TNRC6B: variants seen among roughly 807,000 people sequenced by gnomAD.
TNRC6B encodes the protein trinucleotide repeat-containing gene 6B protein.
TNRC6B carries 52 observed loss-of-function variants against 203.6 expected under a neutral mutation model. The ratio of observed to expected loss-of-function variants is 0.26; its 90% CI spans 0.20 to 0.32. The LOEUF (loss-of-function observed/expected upper bound fraction) is 0.32. Ranked by LOEUF, TNRC6B falls within the 10% of genes least tolerant of loss-of-function variation. The pLI is 1.00. For missense variants in TNRC6B, 1,923 were observed against 2,286.2 expected, an observed-to-expected ratio of 0.84 and a Z score of 3.24; for synonymous variants, 838 against 845.7, an observed-to-expected ratio of 0.99 and a Z score of 0.16.
intron 3 of TNRC6B, among the ~76,000 whole-genome samples, chr22:40,130,661 C>T (rs572784130): frequency 4.1e-5 from 6 of 148,132 alleles, no homozygotes; most frequent in African/African-American, 1.6e-4. Flanking sequence ...GTGGCGGATG[C>T]CTGTAGTCCC....
intron 1 of TNRC6B, among the ~76,000 whole-genome samples, chr22:40,081,885 T>C (rs2068066483): frequency 6.6e-6 from 1 of 151,914 alleles, no homozygotes; most frequent in Non-Finnish European, 1.5e-5. Flanking sequence ...TTAACAACTG[T>C]CCTCAGAACT....
At chr22:40,156,306 G>A (rs530884834) in intron 4 of TNRC6B, 13 of 866,546 alleles carry the variant, frequency 1.5e-5, no homozygotes, top group Middle Eastern at 2.3e-4. Context: ...CTCACCAGTT[G>A]CTTTGGTGGC....
chr22:40,107,114 CTTAA>C (rs1233365230), intron 1 of TNRC6B: 2 of 630,038 alleles, frequency 3.2e-6, no homozygotes, highest in Admixed American at 2.8e-5. Context: ...AACAAATACT[CTTAA>C]TTTTCATGTA....
At chr22:40,147,130 ACT>A (rs1275708900) in intron 3 of TNRC6B, among the ~76,000 whole-genome samples, 3 of 152,228 alleles carry the variant, frequency 2.0e-5, no homozygotes, top group Non-Finnish European at 4.4e-5. Context: ...AGGGAAGGAA[ACT>A]CTGACACATG....
At chr22:40,146,437 C>G (rs2068696198) in intron 3 of TNRC6B, among the ~76,000 whole-genome samples, 1 of 152,020 alleles carries the variant, frequency 6.6e-6, no homozygotes, top group Non-Finnish European at 1.5e-5. Flanking sequence ...CTCTTGTTGC[C>G]CAGGCTGGAG....
chr22:40,058,534 TCTCTAGACTGA>T (rs1426971823), intron 1 of TNRC6B, among the ~76,000 whole-genome samples: 1 of 152,188 alleles, frequency 6.6e-6, no homozygotes. Context: ...AAGCAGACAG[TCTCTAGACTGA>T]CTGACTGTAC....
intron 3 of TNRC6B, among the ~76,000 whole-genome samples, chr22:40,150,477 C>T (rs2146346693): frequency 6.6e-6 from 1 of 152,258 alleles, no homozygotes. Flanking sequence ...AGATGCCCGA[C>T]AAAGTTTTGG....
chr22:40,226,597 C>T (rs558108554), intron 1 of TNRC6B, among the ~76,000 whole-genome samples: 1 of 152,328 alleles, frequency 6.6e-6, no homozygotes, highest in East Asian at 1.9e-4. Context: ...TGATGGACTG[C>T]ATTACAAGTC....
chr22:40,214,818 T>C (rs1217050377), intron 1 of TNRC6B, among the ~76,000 whole-genome samples: 1 of 152,194 alleles, frequency 6.6e-6, no homozygotes, highest in Admixed American at 6.5e-5. Context: ...CCTCCCAAAG[T>C]GCTGAGATTA....
At chr22:40,088,038 C>G (rs1433922244) in intron 1 of TNRC6B, among the ~76,000 whole-genome samples, 1 of 152,098 alleles carries the variant, frequency 6.6e-6, no homozygotes, top group African/African-American at 2.4e-5. Context: ...TCCTGCTTAC[C>G]TTGTACTTAA....
chr22:40,264,404 A>G (rs1288269966), intron 4 of TNRC6B, among the ~76,000 whole-genome samples: 1 of 152,198 alleles, frequency 6.6e-6, no homozygotes, highest in Non-Finnish European at 1.5e-5. Flanking sequence ...TTAGAGTGCC[A>G]TTGCTATTGC....
At chr22:40,243,849 T>C (rs572953904) in intron 1 of TNRC6B, among the ~76,000 whole-genome samples, 55 of 152,354 alleles carry the variant, frequency 3.6e-4, no homozygotes, top group African/African-American at 1.3e-3. Flanking sequence ...CCTCCCAAAG[T>C]GCTGGGATTA....
At chr22:40,143,863 G>A (rs1240281659) in intron 3 of TNRC6B, among the ~76,000 whole-genome samples, 1 of 152,150 alleles carries the variant, frequency 6.6e-6, no homozygotes, top group Non-Finnish European at 1.5e-5. Context: ...TCCAGAGTAT[G>A]TAAAGAATTA....
intron 1 of TNRC6B, among the ~76,000 whole-genome samples, chr22:40,102,426 T>C (rs2068248152): frequency 6.6e-6 from 1 of 152,218 alleles, no homozygotes; most frequent in Non-Finnish European, 1.5e-5. Context: ...ATATTTAGTA[T>C]GTGACATTTA....
chr22:40,315,572 G>A, intron 20 of TNRC6B, 65 bp downstream of exon 20: 1 of 1,523,118 alleles, frequency 6.6e-7, no homozygotes, highest in Non-Finnish European at 9.0e-7. Context: ...TAACACAGAT[G>A]GTGAAGACAC....
rs200825621 is a variant in TNRC6B at position 40,270,237 on chromosome 22, C to T, written c.2922C>T (p.Gly974=). The T allele has an allele frequency of 1.6e-3, 2,401 of 1,505,626 alleles. 1 individual carries two copies. The highest frequency in any genetic ancestry group is 2.0e-3 in the Non-Finnish European group (2,193 of 1,121,330). The allele number at this position is 1,505,626 out of a possible 1,614,324, so 93.3% of individuals were successfully genotyped here. Residue 974 remains glycine, a synonymous_variant, in exon 6 of 23, where the codon GGC becomes GGT. Transcript: ENST00000454349. ...EMDDTGASTT[G]WGNTPANAPN... is the part of the protein sequence containing the mutation. ...ATGATACAGGAGCATCGACCACAGG[C>T]TGGGGGAACACGCCCGCCAACGCTC...
At chr22:40,101,725 T>C (rs1028816731) in intron 1 of TNRC6B, among the ~76,000 whole-genome samples, 8 of 152,222 alleles carry the variant, frequency 5.3e-5, no homozygotes, top group African/African-American at 1.9e-4. Flanking sequence ...AGAGGCATTT[T>C]CTAAACATGG....
At chr22:40,238,791 A>G (rs1473438637) in intron 1 of TNRC6B, among the ~76,000 whole-genome samples, 1 of 152,144 alleles carries the variant, frequency 6.6e-6, no homozygotes, top group East Asian at 1.9e-4. Flanking sequence ...TGTGTATTTT[A>G]TACATGCATC....
intron 1 of TNRC6B, among the ~76,000 whole-genome samples, chr22:40,228,797 T>G (rs569028017): frequency 1.4e-3 from 210 of 152,144 alleles, no homozygotes; most frequent in Non-Finnish European, 2.0e-3. Context: ...GTGCTGGGAT[T>G]ACAGACATGA....
Sources: gnomAD v4.1 joint callset for allele counts (sites outside exome capture counted in the v4.1 genomes callset) on GRCh38, gnomAD v4.1.1 for gene constraint, MANE v1.5 for transcripts, NCBI Gene and HGNC (gene_info 2026-07-23, HGNC 2026-07-21) for gene names.